Variants in KLF12 observed in about 807,000 individuals in gnomAD.
KLF12 encodes the protein KLF transcription factor 12.
A neutral mutation model predicts 37.8 loss-of-function variants in KLF12; 9 were observed. The observed-to-expected ratio is 0.24, with a 90% CI of 0.14 to 0.42. The LOEUF is 0.42. Ranked by LOEUF, KLF12 falls within the 10% of genes least tolerant of loss-of-function variation. The probability of loss-of-function intolerance (pLI) is 1.00; values close to 1 mark genes in which losing one functional copy is unlikely to be tolerated. For synonymous variants in KLF12, 208 were observed against 202.1 expected (o/e 1.03, Z -0.25); for missense variants, 411 against 516.0 (o/e 0.80, Z 1.97).
intron 3 of KLF12, among the ~76,000 whole-genome samples, chr13:73,905,216 A>C (rs1324183964): frequency 6.6e-6 from 1 of 152,188 alleles, no homozygotes; most frequent in Non-Finnish European, 1.5e-5. Context: ...CATTACTCAA[A>C]TTTAACCTGC....
At chr13:74,067,923 A>G (rs1874010473) in intron 1 of KLF12, among the ~76,000 whole-genome samples, 1 of 152,222 alleles carries the variant, frequency 6.6e-6, no homozygotes, top group Non-Finnish European at 1.5e-5. Flanking sequence ...TCCTTTTAGC[A>G]GCAATCTGAT....
chr13:73,819,930 G>A (rs1883431213), intron 4 of KLF12, among the ~76,000 whole-genome samples: 1 of 152,154 alleles, frequency 6.6e-6, no homozygotes, highest in African/African-American at 2.4e-5. Context: ...TCATGTGCCT[G>A]AGGACCTGCA....
chr13:73,938,224 G>A (rs982136205), intron 3 of KLF12, among the ~76,000 whole-genome samples: 1 of 151,924 alleles, frequency 6.6e-6, no homozygotes, highest in South Asian at 2.1e-4. Flanking sequence ...GTCTTACTAC[G>A]CCTTTACGCA....
At chr13:73,867,727 C>CT (rs1886251022) in intron 3 of KLF12, among the ~76,000 whole-genome samples, 1 of 152,136 alleles carries the variant, frequency 6.6e-6, no homozygotes, top group Non-Finnish European at 1.5e-5. Flanking sequence ...CCACAGTGGG[C>CT]TACAAAGCAA....
the KLF12 span, among the ~76,000 whole-genome samples, chr13:74,200,339 G>T: frequency 1.3e-5 from 2 of 152,134 alleles, no homozygotes; most frequent in African/African-American, 4.8e-5. Context: ...ATTGGCAGTA[G>T]AACTGACCGG....
chr13:74,276,155 T>A, the KLF12 span, among the ~76,000 whole-genome samples: 24 of 151,934 alleles, frequency 1.6e-4, no homozygotes, highest in African/African-American at 5.3e-4. Context: ...CAGGCCCCAG[T>A]GTGTGATGTT....
the KLF12 span, among the ~76,000 whole-genome samples, chr13:74,153,351 A>AG: frequency 6.6e-6 from 1 of 152,168 alleles, no homozygotes; most frequent in Non-Finnish European, 1.5e-5. Flanking sequence ...GATGTCAAGG[A>AG]GGGACTGGCG....
At chr13:73,933,580 C>A (rs576211276) in intron 3 of KLF12, among the ~76,000 whole-genome samples, 3 of 152,270 alleles carry the variant, frequency 2.0e-5, no homozygotes, top group Admixed American at 1.3e-4. Context: ...TACGAAACTT[C>A]TTCCTCTAGA....
At chr13:73,768,696 G>A (rs1018927934) in intron 5 of KLF12, among the ~76,000 whole-genome samples, 2 of 152,078 alleles carry the variant, frequency 1.3e-5, no homozygotes, top group African/African-American at 4.8e-5. Flanking sequence ...TATTTGCTTG[G>A]TATCATGCTA....
intron 1 of KLF12, among the ~76,000 whole-genome samples, chr13:74,129,983 T>C (rs531974864): frequency 1.5e-4 from 23 of 152,200 alleles, no homozygotes; most frequent in African/African-American, 5.5e-4. Flanking sequence ...TTCTGGCGGG[T>C]GGAAGTCAGG....
chr13:74,216,577 A>G, the KLF12 span, among the ~76,000 whole-genome samples: 2 of 152,184 alleles, frequency 1.3e-5, no homozygotes, highest in Non-Finnish European at 2.9e-5. Flanking sequence ...TTCTTCATTT[A>G]TTCTCGATTT....
At chr13:74,238,342 C>T in the KLF12 span, among the ~76,000 whole-genome samples, 6 of 131,276 alleles carry the variant, frequency 4.6e-5, no homozygotes, top group Non-Finnish European at 4.6e-5. Context: ...TTCGTTTTGC[C>T]AGTATTTTAT....
At chr13:73,942,322 G>A (rs1258896588) in intron 3 of KLF12, among the ~76,000 whole-genome samples, 1 of 152,126 alleles carries the variant, frequency 6.6e-6, no homozygotes, top group Non-Finnish European at 1.5e-5. Flanking sequence ...GTGAAATGCA[G>A]ACTGCTTTTT....
intron 3 of KLF12, among the ~76,000 whole-genome samples, chr13:73,925,148 G>A (rs773678134): frequency 2.2e-4 from 34 of 152,230 alleles, no homozygotes; most frequent in Non-Finnish European, 4.7e-4. Flanking sequence ...GATCATTGAT[G>A]AAGTTGAGAA....
At chr13:73,753,641 GAA>G (rs1294496780) in intron 6 of KLF12, among the ~76,000 whole-genome samples, 1 of 148,672 alleles carries the variant, frequency 6.7e-6, no homozygotes, top group African/African-American at 2.5e-5. Context: ...AAATATTCTG[GAA>G]AAGTGATAAT....
At chr13:74,287,230 T>G in the KLF12 span, among the ~76,000 whole-genome samples, 1 of 152,078 alleles carries the variant, frequency 6.6e-6, no homozygotes. Flanking sequence ...GTCTGCTCAT[T>G]GCTCATGCAG....
chr13:74,026,231 T>C (rs1321847794), intron 1 of KLF12, among the ~76,000 whole-genome samples: 1 of 150,752 alleles, frequency 6.6e-6, no homozygotes, highest in East Asian at 1.9e-4. Context: ...TACCAAAATA[T>C]ATGTGTAGAA....
chr13:74,135,217 A>AC (rs1348776686), upstream of KLF12, among the ~76,000 whole-genome samples: 1 of 151,830 alleles, frequency 6.6e-6, no homozygotes, highest in Non-Finnish European at 1.5e-5. Flanking sequence ...TGGCCTCGCC[A>AC]CCCCAGCGAA....
rs956812562 is a variant in KLF12 at position 73,850,319 on chromosome 13, T to C, written c.124-3946A>G. Among the ~76,000 whole-genome samples, 3 of 152,140 alleles carry C rather than the reference T, an allele frequency of 2.0e-5. No homozygotes were observed. In the East Asian group the frequency reaches 5.8e-4, roughly 29 times the overall value. On this transcript the variant is annotated intron_variant, in intron 3 of 7. Coordinates refer to ENST00000377669, the MANE Select transcript of KLF12 (RefSeq NM_007249.5). ...ATTTGAGGTTTTCTAATCAGATAACTTTTTTTTCCTGAATAAACATCTTAA... is the reference window on the plus strand; with the variant it reads ...ATTTGAGGTTTTCTAATCAGATAACCTTTTTTTCCTGAATAAACATCTTAA...
Sources: allele counts gnomAD v4.1 joint callset (sites outside exome capture counted in the v4.1 genomes callset), GRCh38; gene constraint gnomAD v4.1.1; transcripts MANE v1.5; gene names NCBI Gene and HGNC (gene_info 2026-07-23, HGNC 2026-07-21).